RORA: variants seen among roughly 807,000 people sequenced by gnomAD.
RORA encodes the protein RAR related orphan receptor A.
A neutral mutation model predicts 69.5 loss-of-function variants in RORA; 7 were observed. That is an observed-to-expected ratio of 0.10 (90% CI 0.06 to 0.19). RORA has a LOEUF of 0.19. Ranked by LOEUF, RORA falls within the 10% of genes least tolerant of loss-of-function variation. RORA has a pLI of 1.00. For synonymous variants in RORA, 261 were observed against 240.8 expected, an observed-to-expected ratio of 1.08 and a Z score of -0.78; for missense variants, 457 against 663.0, an observed-to-expected ratio of 0.69 and a Z score of 3.41.
chr15:60,557,873 C>A (rs1021659131), intron 2 of RORA, among the ~76,000 whole-genome samples: 1 of 151,518 alleles, frequency 6.6e-6, no homozygotes, highest in African/African-American at 2.4e-5. Flanking sequence ...ACAAAGAGGG[C>A]AGTTATCATA....
chr15:60,837,688 C>G (rs2073135995), intron 1 of RORA, among the ~76,000 whole-genome samples: 1 of 152,190 alleles, frequency 6.6e-6, no homozygotes, highest in South Asian at 2.1e-4. Context: ...GCACCATTTC[C>G]CCCGCTAAAG....
At chr15:60,815,580 A>C (rs999990176) in intron 1 of RORA, among the ~76,000 whole-genome samples, 3 of 152,020 alleles carry the variant, frequency 2.0e-5, no homozygotes, top group African/African-American at 7.3e-5. Context: ...GAGAAAAGAT[A>C]AGCAGACCCA....
chr15:60,544,017 A>G (rs1443931680), intron 2 of RORA, among the ~76,000 whole-genome samples: 2 of 152,152 alleles, frequency 1.3e-5, no homozygotes, highest in Non-Finnish European at 2.9e-5. Flanking sequence ...AGGAAGTGGG[A>G]GAGAGGCCTC....
intron 1 of RORA, among the ~76,000 whole-genome samples, chr15:60,812,598 G>A (rs2072759548): frequency 6.6e-6 from 1 of 152,182 alleles, no homozygotes. Context: ...CAAAGAAAGA[G>A]CTCAGTAGAT....
rs991834582 is a variant in RORA at position 61,061,791 on chromosome 15, G to T, written c.166+167262C>A. Among the ~76,000 whole-genome samples the T allele has an allele frequency of 1.3e-5, 2 of 152,224 alleles. No homozygotes were observed. The highest frequency in any genetic ancestry group is 2.9e-5 in the Non-Finnish European group (2 of 68,006). ...AATAAATGTTAGTAAGGCCGGGCAC[G>T]GTGGTTCACGCCTGTAACCCCAGCA... On this transcript the variant is annotated intron_variant, in intron 1 of 10. Coordinates refer to ENST00000335670, the MANE Select transcript of RORA (RefSeq NM_134261.3). This position sits in a 1 kb window ranked among gnomAD's most constrained non-coding sequence, Gnocchi z 4.4.
intron 2 of RORA, among the ~76,000 whole-genome samples, chr15:60,621,254 A>G (rs1186709548): frequency 3.3e-5 from 5 of 152,152 alleles, no homozygotes; most frequent in African/African-American, 1.2e-4. Context: ...TCAGCCCACC[A>G]GAGGCTTCCA....
chr15:60,710,835 C>T (rs755128256), intron 1 of RORA, among the ~76,000 whole-genome samples: 4 of 151,816 alleles, frequency 2.6e-5, no homozygotes, highest in Non-Finnish European at 4.4e-5. Context: ...GGGAGGGCCC[C>T]GCATGAAGAA....
At chr15:61,135,611 C>A (rs2079231386) in intron 1 of RORA, among the ~76,000 whole-genome samples, 2 of 146,938 alleles carry the variant, frequency 1.4e-5, no homozygotes, top group Non-Finnish European at 3.0e-5. Context: ...ACAACTATCA[C>A]CAAATCCTAA....
chr15:60,673,069 C>T (rs971092842), intron 2 of RORA, among the ~76,000 whole-genome samples: 12 of 152,104 alleles, frequency 7.9e-5, no homozygotes, highest in African/African-American at 2.7e-4. Flanking sequence ...TTTTAAAGAG[C>T]CAATCACCAT....
rs140684281 is a variant in RORA at position 60,698,563 on chromosome 15, T to A, written c.167-19877A>T. Among the ~76,000 whole-genome samples the A allele has an allele frequency of 6.2e-3, 938 of 152,066 alleles. 8 individuals are homozygous for A. The highest frequency in any genetic ancestry group is 0.021 in the African/African-American group (851 of 41,502). The stretch of plus-strand genomic sequence containing the variant: ...TCATAGCCCTTTATGTCATAATTAC[T>A]TTTTTGGTTATTAAAAGTAATTCTA... On this transcript the variant is annotated intron_variant, in intron 1 of 10. Transcript: ENST00000335670.
intron 1 of RORA, among the ~76,000 whole-genome samples, chr15:60,972,102 G>A (rs1289493474): frequency 6.6e-6 from 1 of 152,194 alleles, no homozygotes; most frequent in Non-Finnish European, 1.5e-5. Flanking sequence ...AAATAAAAAT[G>A]GTGCCACTGC....
chr15:60,917,846 AGT>A (rs1891924577), intron 1 of RORA, among the ~76,000 whole-genome samples: 1 of 152,220 alleles, frequency 6.6e-6, no homozygotes, highest in African/African-American at 2.4e-5. Context: ...GTAAGAGTTC[AGT>A]GCTGGGTTCA....
intron 4 of RORA, among the ~76,000 whole-genome samples, chr15:60,512,750 T>A (rs1334486806): frequency 6.6e-6 from 1 of 152,224 alleles, no homozygotes; most frequent in African/African-American, 2.4e-5. Context: ...TTGGGATGTG[T>A]CCCCATATTT....
chr15:61,046,870 T>C (rs1450658507), intron 1 of RORA, among the ~76,000 whole-genome samples: 1 of 152,176 alleles, frequency 6.6e-6, no homozygotes, highest in Non-Finnish European at 1.5e-5. Context: ...AAACGAGGAC[T>C]CTTGGAGGTA....
rs200867466 is a variant in RORA, at chr15:60,497,386, C to A, written c.*69G>T. 7 of 1,422,510 alleles carry A rather than the reference C, an allele frequency of 4.9e-6. No homozygotes were observed. The East Asian group carries it at 1.4e-4, about 28-fold the overall frequency. The allele number at this position is 1,422,510 out of a possible 1,614,324, so 88.1% of individuals were successfully genotyped here. On this transcript the variant is annotated 3_prime_UTR_variant, in exon 11 of 11. Coordinates refer to ENST00000335670, the MANE Select transcript of RORA (RefSeq NM_134261.3). Reference sequence around the variant, plus strand: ...CTGTGCAGGGCCATATAAAGTGTCTCGGTTAATTTTTTTGTTTGTTTTTCA... The same window carrying A: ...CTGTGCAGGGCCATATAAAGTGTCTAGGTTAATTTTTTTGTTTGTTTTTCA...
intron 1 of RORA, among the ~76,000 whole-genome samples, chr15:60,962,729 G>C (rs1893449725): frequency 6.6e-6 from 1 of 152,206 alleles, no homozygotes; most frequent in African/African-American, 2.4e-5. Context: ...GTCCCCAGGA[G>C]CCAAGGGTTG....
At chr15:61,077,794 T>C (rs1234276614) in intron 1 of RORA, among the ~76,000 whole-genome samples, 1 of 152,234 alleles carries the variant, frequency 6.6e-6, no homozygotes, top group Non-Finnish European at 1.5e-5. Flanking sequence ...GCATCTCTTC[T>C]TCCCTTAGAT....
intron 1 of RORA, among the ~76,000 whole-genome samples, chr15:60,768,764 T>G (rs990406505): frequency 6.6e-6 from 1 of 152,170 alleles, no homozygotes; most frequent in South Asian, 2.1e-4. Context: ...TTATTTCTAA[T>G]GAACTCATCA....
At chr15:60,923,777 A>T (rs1462509393) in intron 1 of RORA, among the ~76,000 whole-genome samples, 1 of 152,160 alleles carries the variant, frequency 6.6e-6, no homozygotes, top group Non-Finnish European at 1.5e-5. Flanking sequence ...TACAGATCAC[A>T]GTGGCAACAA....
Sources: gnomAD v4.1 joint callset for allele counts (sites outside exome capture counted in the v4.1 genomes callset) on GRCh38, gnomAD v4.1.1 for gene constraint, Gnocchi (gnomAD v3.1) non-coding constraint, MANE v1.5 for transcripts, NCBI Gene and HGNC (gene_info 2026-07-23, HGNC 2026-07-21) for gene names.